Variants in TMEM242 observed in about 807,000 individuals in gnomAD.
TMEM242 encodes the protein transmembrane protein 242, also known as UPF0463 transmembrane protein C6orf35.
In TMEM242, 10 loss-of-function variants were observed where a neutral mutation model predicts 18.2. The ratio of observed to expected loss-of-function variants is 0.55; its 90% confidence interval spans 0.34 to 0.93. The LOEUF (loss-of-function observed/expected upper bound fraction) is 0.93, where lower values mean the gene tolerates loss of function less well. TMEM242 is among the 40% of genes least tolerant of loss of function. TMEM242 has a pLI of 0.02. For missense variants in TMEM242, 186 were observed against 175.5 expected (o/e 1.06, Z -0.34); for synonymous variants, 57 against 69.9 (o/e 0.81, Z 0.92).
Position 157,323,239 on chromosome 6 carries a change from C to A in TMEM242, c.88+173G>T, listed in dbSNP as rs1408687885. 2.0e-5 allele frequency among the ~76,000 whole-genome samples: 3 copies of A among 152,204 alleles called. No individual in the cohort carries two copies. The East Asian group carries it at 5.8e-4, about 29-fold the overall frequency. On this transcript the variant is annotated intron_variant, in intron 1 of 3. Coordinates refer to ENST00000400788, the MANE Select transcript of TMEM242 (RefSeq NM_018452.6). Reference sequence around the variant, plus strand: ...CGCCCCGCCCAAGGGGAGACTCCACCCAGTAAGCGACCTACCCTCCCTGGG... The same window carrying A: ...CGCCCCGCCCAAGGGGAGACTCCACACAGTAAGCGACCTACCCTCCCTGGG...
At chr6:157,314,500 T>C (rs1354891011) in intron 3 of TMEM242, among the ~76,000 whole-genome samples, 1 of 152,254 alleles carries the variant, frequency 6.6e-6, no homozygotes, top group Non-Finnish European at 1.5e-5. Context: ...TAAAATACCA[T>C]AGTTGAAAGT....
At chr6:157,293,207 T>C (rs1777706592) in intron 3 of TMEM242, among the ~76,000 whole-genome samples, 2 of 152,152 alleles carry the variant, frequency 1.3e-5, no homozygotes, top group Non-Finnish European at 2.9e-5. Flanking sequence ...TATAAATTTA[T>C]TAATAAATAA....
intron 3 of TMEM242, among the ~76,000 whole-genome samples, chr6:157,304,203 C>T (rs1405070258): frequency 3.3e-5 from 5 of 152,062 alleles, no homozygotes; most frequent in Admixed American, 2.6e-4. Flanking sequence ...CAGTGACTCG[C>T]ACCTGTGATC....
chr6:157,311,335 A>G (rs1583565522), intron 3 of TMEM242, among the ~76,000 whole-genome samples: 1 of 128,518 alleles, frequency 7.8e-6, no homozygotes, highest in East Asian at 2.3e-4. Context: ...TAGCCTCATC[A>G]TAGTGTCCCA....
At chr6:157,299,726 G>A in intron 3 of TMEM242, 1 of 1,604,562 alleles carries the variant, frequency 6.2e-7, no homozygotes, top group Non-Finnish European at 8.5e-7. Flanking sequence ...TGCACCTTCT[G>A]TGATAATCAC....
Position 157,304,567 on chromosome 6 carries a change from A to T in TMEM242, c.328-11568T>A, listed in dbSNP as rs150505578. ...AGATTGCATTCAATAAATACTTACT[A>T]AACACCTACAATGCATTAGGCAGTG... On this transcript the variant is annotated intron_variant, in intron 3 of 3. Transcript: ENST00000400788. Among the ~76,000 whole-genome samples the T allele has an allele frequency of 3.1e-3, 465 of 152,158 alleles. 1 individual carries two copies. The highest frequency in any genetic ancestry group is 4.8e-3 in the Non-Finnish European group (326 of 68,016).
Position 157,292,501 on chromosome 6 carries a change from GA to G in TMEM242, c.*399del, listed in dbSNP as rs1562377197. 1 of 155,368 alleles carries G rather than the reference GA, an allele frequency of 6.4e-6. No homozygotes were observed. Among genetic ancestry groups the G allele is most frequent in the African/African-American group, 2.4e-5 (1 of 41,520 alleles). The allele number at this position is 155,368 out of a possible 1,614,324, so 9.6% of individuals were successfully genotyped here. Reference sequence around the variant, plus strand: ...TCATATATTGACAAGAAAGGCTCTTGAAACTCCTTTAATTAGACACATTGCA... The same window carrying G: ...TCATATATTGACAAGAAAGGCTCTTGAACTCCTTTAATTAGACACATTGCA... On this transcript the variant is annotated 3_prime_UTR_variant, in exon 4 of 4. Transcript: ENST00000400788.
At chr6:157,320,784 T>G (rs1005129565) in intron 2 of TMEM242, among the ~76,000 whole-genome samples, 37 of 152,214 alleles carry the variant, frequency 2.4e-4, no homozygotes, top group African/African-American at 8.9e-4. Context: ...AAAGCTTGAA[T>G]TTTATCAGTG....
At chr6:157,313,380 GTGTACGCT>G (rs1562386223) in intron 3 of TMEM242, among the ~76,000 whole-genome samples, 3 of 12,170 alleles carry the variant, frequency 2.5e-4, no homozygotes, top group Middle Eastern at 0.071. Flanking sequence ...TAGTGCCTCA[GTGTACGCT>G]CACCGGGCCT....
chr6:157,312,817 G>C (rs1441528478), intron 3 of TMEM242, among the ~76,000 whole-genome samples: 2 of 37,550 alleles, frequency 5.3e-5, no homozygotes, highest in Non-Finnish European at 5.7e-5. Context: ...AACTCAACTA[G>C]CCTCATCATA....
At chr6:157,300,387 T>C (rs1273290210) in intron 3 of TMEM242, among the ~76,000 whole-genome samples, 1 of 152,256 alleles carries the variant, frequency 6.6e-6, no homozygotes, top group Non-Finnish European at 1.5e-5. Flanking sequence ...AGTATTCTCA[T>C]CGATAGTTGA....
intron 3 of TMEM242, among the ~76,000 whole-genome samples, chr6:157,304,645 A>G (rs782401648): frequency 3.3e-5 from 5 of 152,210 alleles, no homozygotes; most frequent in Non-Finnish European, 7.3e-5. Context: ...CTCTACCCTC[A>G]GAATCTACAT....
At position 157,311,025 on chromosome 6, in the gene TMEM242, C is replaced by A. The variant is rs200703306; in HGVS notation, c.327+7757G>T. Among the ~76,000 whole-genome samples, 521 of 129,556 alleles carry A rather than the reference C, an allele frequency of 4.0e-3. 25 individuals carry two copies. Among genetic ancestry groups the A allele is most frequent in the Non-Finnish European group, 5.4e-3 (330 of 60,680 alleles). The allele number at this position is 129,556 out of a possible 152,430, so 85.0% of individuals were successfully genotyped here. Reference sequence around the variant, plus strand: ...TCCCCAGTGTGCAGTCACCTAGCCTCATCATAGTGTCCCAGTGTGCGCTCA... The same window carrying A: ...TCCCCAGTGTGCAGTCACCTAGCCTAATCATAGTGTCCCAGTGTGCGCTCA... On this transcript the variant is annotated intron_variant, in intron 3 of 3. Coordinates refer to ENST00000400788, the MANE Select transcript of TMEM242 (RefSeq NM_018452.6).
intron 3 of TMEM242, among the ~76,000 whole-genome samples, chr6:157,312,639 C>A (rs587727030): frequency 1.0e-5 from 1 of 97,072 alleles, no homozygotes; most frequent in African/African-American, 3.8e-5. Context: ...GCAGTGTGCA[C>A]TCACCCGGCC....
At chr6:157,300,140 AGAAATG>A in intron 3 of TMEM242, 1 of 596,718 alleles carries the variant, frequency 1.7e-6, no homozygotes, top group Non-Finnish European at 3.1e-6. Context: ...TGCTCACTCA[AGAAATG>A]GAGGGAGAGA....
In TMEM242 at chr6:157,319,932, G is replaced by T. The variant is rs187373496; in HGVS notation, c.190-1013C>A. ...ACCACACATAACGGTGCTGCATAGG[G>T]TGTGAGGAGAGTTCAATGAGTCAAG... On this transcript the variant is annotated intron_variant, in intron 2 of 3. Coordinates refer to ENST00000400788, the MANE Select transcript of TMEM242 (RefSeq NM_018452.6). 1.9e-3 allele frequency among the ~76,000 whole-genome samples: 296 copies of T among 152,266 alleles called. 1 individual carries two copies. Among genetic ancestry groups the T allele is most frequent in the South Asian group, 0.011 (55 of 4,818 alleles).
At chr6:157,294,937 G>C (rs1777732865) in intron 3 of TMEM242, among the ~76,000 whole-genome samples, 1 of 152,210 alleles carries the variant, frequency 6.6e-6, no homozygotes, top group Non-Finnish European at 1.5e-5. Context: ...CCTGCTTAAA[G>C]AGTTGTGAGG....
At chr6:157,310,288 G>C (rs975695034) in intron 3 of TMEM242, among the ~76,000 whole-genome samples, 6 of 139,792 alleles carry the variant, frequency 4.3e-5, no homozygotes, top group Middle Eastern at 3.5e-3. Context: ...CTTAGTACAA[G>C]AGTTCCTTAA....
intron 3 of TMEM242, among the ~76,000 whole-genome samples, chr6:157,316,473 G>A (rs1455911197): frequency 2.6e-5 from 4 of 152,110 alleles, no homozygotes; most frequent in African/African-American, 9.7e-5. Flanking sequence ...GCAAAATTGA[G>A]GTTAACAGCA....
Sources: allele counts gnomAD v4.1 joint callset (sites outside exome capture counted in the v4.1 genomes callset), GRCh38; gene constraint gnomAD v4.1.1; transcripts MANE v1.5; gene names NCBI Gene and HGNC (gene_info 2026-07-23, HGNC 2026-07-21).